TRIP12: variants seen among roughly 807,000 people sequenced by gnomAD.
TRIP12 encodes thyroid hormone receptor interactor 12.
Under a neutral mutation model 244.2 loss-of-function variants are expected in TRIP12, and 25 were observed. That is an observed-to-expected ratio of 0.10 (90% CI 0.07 to 0.14). The LOEUF (loss-of-function observed/expected upper bound fraction) is 0.14, where lower values mean the gene tolerates loss of function less well. TRIP12 is among the 10% of genes least tolerant of loss of function. The probability of loss-of-function intolerance (pLI) is 1.00; values close to 1 mark genes in which losing one functional copy is unlikely to be tolerated. For synonymous variants in TRIP12, 905 were observed against 873.1 expected (o/e 1.04, Z -0.64); for missense variants, 1,677 against 2,486.4 (o/e 0.67, Z 6.92).
At chr2:229,776,319 C>T (rs1444383948) in intron 37 of TRIP12, among the ~76,000 whole-genome samples, 1 of 152,098 alleles carries the variant, frequency 6.6e-6, no homozygotes, top group Non-Finnish European at 1.5e-5. Flanking sequence ...TCCTAAACAA[C>T]ACTGTAATAG....
intron 4 of TRIP12, among the ~76,000 whole-genome samples, chr2:229,851,520 CTGCCCGAGCCA>C (rs1254704321): frequency 6.6e-6 from 1 of 152,148 alleles, no homozygotes. Flanking sequence ...TAAAAGCAGG[CTGCCCGAGCCA>C]GCAGTGGCAA....
intron 2 of TRIP12, among the ~76,000 whole-genome samples, chr2:229,872,381 A>C (rs1196688379): frequency 6.6e-6 from 1 of 152,028 alleles, no homozygotes; most frequent in Non-Finnish European, 1.5e-5. Flanking sequence ...CTGGCCAACA[A>C]AGTGAAACCC....
intron 8 of TRIP12, among the ~76,000 whole-genome samples, chr2:229,823,808 G>A (rs553739295): frequency 2.9e-4 from 44 of 152,134 alleles, no homozygotes; most frequent in African/African-American, 8.7e-4. Context: ...GCAACATGGC[G>A]AGATGGCATC....
chr2:229,769,006 G>GT (rs2033069407), intron 40 of TRIP12, among the ~76,000 whole-genome samples: 1 of 145,242 alleles, frequency 6.9e-6, no homozygotes, highest in Non-Finnish European at 1.6e-5. Flanking sequence ...CCAACCCCTA[G>GT]TATTTTCACA....
chr2:229,836,257 T>C (rs1258665074), intron 6 of TRIP12, among the ~76,000 whole-genome samples: 1 of 152,238 alleles, frequency 6.6e-6, no homozygotes, highest in Non-Finnish European at 1.5e-5. Flanking sequence ...CAGTTGTTCA[T>C]GTCATTGAGA....
chr2:229,770,845 T>TCTTGTG (rs2034009788), intron 39 of TRIP12, among the ~76,000 whole-genome samples: 1 of 152,162 alleles, frequency 6.6e-6, no homozygotes, highest in Admixed American at 6.5e-5. Flanking sequence ...CAAGCTCTCG[T>TCTTGTG]CTTGTCTGCT....
At chr2:229,833,154 T>C (rs1183582863) in intron 6 of TRIP12, among the ~76,000 whole-genome samples, 1 of 152,224 alleles carries the variant, frequency 6.6e-6, no homozygotes, top group Non-Finnish European at 1.5e-5. Context: ...ACTTTCATAA[T>C]GAATATCTCA....
Position 229,804,089 on chromosome 2 carries a change from C to G in TRIP12, c.2789G>C (p.Arg930Thr). 6.2e-7 allele frequency: 1 copy of G among 1,614,176 alleles called. No individual in the cohort carries two copies. Among genetic ancestry groups the G allele is most frequent in the Non-Finnish European group, 8.5e-7 (1 of 1,180,024 alleles). The change falls in exon 19 of 42, where the codon AGA becomes ACA. Residue 930 changes from arginine (R) to threonine (T), a missense_variant. Physicochemically the swap from Arg to Thr is moderately conservative, Grantham distance 71. This residue lies in a region of TRIP12 where 572 missense variants were observed against 867.8 expected (regional missense o/e 0.66). Transcript: ENST00000675903. Reference protein sequence around the residue: ...VYSSSAGPAVRHKCLRAILRI... With the variant: ...VYSSSAGPAVTHKCLRAILRI... The stretch of plus-strand genomic sequence containing the variant: ...AAGAATTGCTCTAAGGCACTTATGT[C>G]TGACCGCAGGTCCTGCTGAGGAACT...
At chr2:229,785,624 C>CA in intron 34 of TRIP12, 133 bp downstream of exon 34, 1 of 804,770 alleles carries the variant, frequency 1.2e-6, no homozygotes, top group Non-Finnish European at 1.9e-6. Context: ...GAACTTAGAA[C>CA]AAATCATTCA....
intron 6 of TRIP12, among the ~76,000 whole-genome samples, chr2:229,833,458 T>C (rs187798167): frequency 7.9e-5 from 12 of 152,228 alleles, no homozygotes; most frequent in African/African-American, 2.6e-4. Flanking sequence ...TGGCTAAGTT[T>C]TGTATTTTTT....
upstream of TRIP12, chr2:229,922,426 T>C: frequency 1.6e-6 from 2 of 1,269,398 alleles, no homozygotes; most frequent in Non-Finnish European, 2.3e-6. Context: ...ATAAGCGTGG[T>C]TCAATTTAAA....
At chr2:229,824,663 G>T (rs1331654156) in intron 8 of TRIP12, among the ~76,000 whole-genome samples, 1 of 152,178 alleles carries the variant, frequency 6.6e-6, no homozygotes, top group Non-Finnish European at 1.5e-5. Flanking sequence ...TGAACACGAA[G>T]AGTGAACACC....
chr2:229,923,138 G>C (rs2076824549), upstream of TRIP12: 1 of 153,852 alleles, frequency 6.5e-6, no homozygotes, highest in Admixed American at 6.5e-5. Flanking sequence ...TGACGATTGG[G>C]AGCTCTTACC....
intron 4 of TRIP12, among the ~76,000 whole-genome samples, chr2:229,842,584 A>G (rs1333847140): frequency 6.6e-6 from 1 of 152,174 alleles, no homozygotes; most frequent in East Asian, 1.9e-4. Flanking sequence ...AACACACCAA[A>G]AAACAGTGTT....
intron 4 of TRIP12, among the ~76,000 whole-genome samples, chr2:229,843,765 T>C (rs951111184): frequency 6.6e-6 from 1 of 152,148 alleles, no homozygotes; most frequent in African/African-American, 2.4e-5. Flanking sequence ...GTGATGCATG[T>C]CTATAGTCCC....
Position 229,796,645 on chromosome 2 carries a change from A to G in TRIP12, c.3762T>C (p.Ala1254=). ...LYLTSKSEKD[A]VSREIRLKRF... Reference sequence around the variant, plus strand: ...GCTTTAATCTGATCTCTCTGCTCACAGCATCCTTTTCACTTTTAGATGTCA... The same window carrying G: ...GCTTTAATCTGATCTCTCTGCTCACGGCATCCTTTTCACTTTTAGATGTCA... Residue 1254 remains alanine, a synonymous_variant, in exon 25 of 42, where the codon GCT becomes GCC. Transcript: ENST00000675903. The G allele has an allele frequency of 6.2e-7, 1 of 1,612,318 alleles. No homozygotes were observed. Among genetic ancestry groups the G allele is most frequent in the Non-Finnish European group, 8.5e-7 (1 of 1,179,588 alleles).
Position 229,861,987 on chromosome 2 carries a change from T to TA in TRIP12, c.99-1457dup, listed in dbSNP as rs201167247. On this transcript the variant is annotated intron_variant, in intron 2 of 41. Coordinates refer to ENST00000675903, the MANE Select transcript of TRIP12 (RefSeq NM_001348323.3). ...CATATACTTCAAGAAGCATATTTTC[T>TA]AAAGTTGTAGCTAAGCTGAACTTTG... 7.7e-3 allele frequency among the ~76,000 whole-genome samples: 1,170 copies of TA among 152,336 alleles called. 15 individuals are homozygous for TA. The highest frequency in any genetic ancestry group is 0.027 in the African/African-American group (1,116 of 41,592).
chr2:229,919,174 G>T (rs2076035984), intron 1 of TRIP12, among the ~76,000 whole-genome samples: 1 of 152,192 alleles, frequency 6.6e-6, no homozygotes, highest in African/African-American at 2.4e-5. Flanking sequence ...AGCACTTTGG[G>T]TGACCAAGGC....
intron 1 of TRIP12, among the ~76,000 whole-genome samples, chr2:229,883,286 C>G (rs1300286894): frequency 1.3e-5 from 2 of 152,250 alleles, no homozygotes; most frequent in Admixed American, 1.3e-4. Context: ...TCTTTGGCTT[C>G]AGCTAAGAAC....
Sources: allele counts gnomAD v4.1 joint callset (sites outside exome capture counted in the v4.1 genomes callset), GRCh38; gene constraint gnomAD v4.1.1; regional missense constraint gnomAD v4.1.1; transcripts MANE v1.5; gene names NCBI Gene and HGNC (gene_info 2026-07-23, HGNC 2026-07-21).